The following MDGA2 variants were observed in gnomAD, a reference collection of about 807,000 sequenced individuals.
The protein encoded by MDGA2 is MAM domain containing glycosylphosphatidylinositol anchor 2, also known as MAM domain-containing glycosylphosphatidylinositol anchor protein 2.
Under a neutral mutation model 117.8 loss-of-function variants are expected in MDGA2, and 40 were observed. That is an observed-to-expected ratio of 0.34 (90% CI 0.26 to 0.44). The LOEUF (loss-of-function observed/expected upper bound fraction) is 0.44. Among genes scored for constraint, MDGA2 ranks in the 20% least tolerant of loss-of-function variants. The probability of loss-of-function intolerance (pLI) is 1.00; values close to 1 mark genes in which losing one functional copy is unlikely to be tolerated. For synonymous variants in MDGA2, 452 were observed against 439.0 expected (o/e 1.03, Z -0.37); for missense variants, 1,123 against 1,250.6 (o/e 0.90, Z 1.54).
chr14:47,583,330 T>C (rs1371791455), intron 1 of MDGA2, among the ~76,000 whole-genome samples: 1 of 151,820 alleles, frequency 6.6e-6, no homozygotes, highest in Non-Finnish European at 1.5e-5. Context: ...AAGAAGCAGC[T>C]AGCCAGTGAG....
intron 1 of MDGA2, among the ~76,000 whole-genome samples, chr14:47,462,356 A>G (rs1893506081): frequency 6.8e-6 from 1 of 147,938 alleles, no homozygotes; most frequent in Non-Finnish European, 1.5e-5. Flanking sequence ...AGCCTGGGCG[A>G]CAGAGAGAGA....
intron 4 of MDGA2, among the ~76,000 whole-genome samples, chr14:47,134,713 TAATGA>T (rs1212761865): frequency 2.0e-5 from 3 of 151,662 alleles, no homozygotes; most frequent in African/African-American, 7.3e-5. Context: ...TATGATGATA[TAATGA>T]AACAATATAT....
At chr14:47,441,621 A>C (rs1016590482) in intron 1 of MDGA2, among the ~76,000 whole-genome samples, 5 of 152,070 alleles carry the variant, frequency 3.3e-5, no homozygotes, top group Non-Finnish European at 7.4e-5. Flanking sequence ...AGCCATATAG[A>C]CTCCCTTTCC....
At chr14:47,674,447 T>G in intron 1 of MDGA2, 70 bp downstream of exon 1, 1 of 1,351,342 alleles carries the variant, frequency 7.4e-7, no homozygotes, top group Non-Finnish European at 1.0e-6. Context: ...GCGCGAGTCG[T>G]GCATTTTCGC....
chr14:46,961,075 G>T (rs1344432874), intron 8 of MDGA2, among the ~76,000 whole-genome samples: 1 of 151,880 alleles, frequency 6.6e-6, no homozygotes, highest in South Asian at 2.1e-4. Flanking sequence ...GGTGTAAAGA[G>T]GTCAACTCAA....
intron 1 of MDGA2, among the ~76,000 whole-genome samples, chr14:47,391,948 CAAAT>C (rs1891904745): frequency 6.6e-6 from 1 of 152,088 alleles, no homozygotes; most frequent in African/African-American, 2.4e-5. Flanking sequence ...ATCACTCAAA[CAAAT>C]AGAGGGCTAA....
chr14:47,265,623 G>A (rs1348108575), intron 2 of MDGA2, among the ~76,000 whole-genome samples: 3 of 145,620 alleles, frequency 2.1e-5, no homozygotes, highest in Middle Eastern at 3.5e-3. Context: ...GTTTAACTTC[G>A]TTTTGGGAAT....
intron 9 of MDGA2, among the ~76,000 whole-genome samples, chr14:46,934,945 G>A (rs946644383): frequency 2.6e-5 from 4 of 151,820 alleles, no homozygotes; most frequent in Admixed American, 6.6e-5. Context: ...TCAATTTTGC[G>A]ATTCTCTTTT....
At chr14:46,900,968 T>C (rs558748278) in intron 10 of MDGA2, among the ~76,000 whole-genome samples, 8 of 152,248 alleles carry the variant, frequency 5.3e-5, no homozygotes, top group Non-Finnish European at 1.0e-4. Context: ...TCCTGTACAT[T>C]TCTATGTAAC....
intron 1 of MDGA2, among the ~76,000 whole-genome samples, chr14:47,565,380 G>T (rs1033636961): frequency 5.9e-5 from 9 of 152,134 alleles, no homozygotes; most frequent in African/African-American, 2.2e-4. Flanking sequence ...GACTGGCTTT[G>T]TTTCTTGTAG....
intron 10 of MDGA2, among the ~76,000 whole-genome samples, chr14:46,913,438 C>T (rs1883781425): frequency 6.6e-6 from 1 of 152,010 alleles, no homozygotes; most frequent in African/African-American, 2.4e-5. Flanking sequence ...TCTAAATGGG[C>T]TAAGTCAAGC....
intron 6 of MDGA2, among the ~76,000 whole-genome samples, chr14:47,086,621 T>TG: frequency 6.6e-6 from 1 of 151,834 alleles, no homozygotes; most frequent in East Asian, 1.9e-4. Context: ...GATTTTTTTT[T>TG]ACTTTAAATA....
At chr14:47,482,903 GAA>G (rs71900416) in intron 1 of MDGA2, among the ~76,000 whole-genome samples, 29 of 137,546 alleles carry the variant, frequency 2.1e-4, no homozygotes, top group South Asian at 6.7e-4. Context: ...GTGGAGTAAT[GAA>G]AAAAAAAAAA....
At chr14:47,510,560 C>G (rs138691921) in intron 1 of MDGA2, among the ~76,000 whole-genome samples, 2,503 of 152,232 alleles carry the variant, frequency 0.016, 34 homozygotes, top group Middle Eastern at 0.041. Flanking sequence ...TAAAAAAAAT[C>G]TGAGGTAATC....
At chr14:47,136,394 A>G (rs934676454) in intron 4 of MDGA2, among the ~76,000 whole-genome samples, 2 of 151,670 alleles carry the variant, frequency 1.3e-5, no homozygotes, top group Non-Finnish European at 2.9e-5. Flanking sequence ...ACGGGATTTC[A>G]CCATATTGAC....
intron 6 of MDGA2, among the ~76,000 whole-genome samples, chr14:47,087,683 C>T (rs1890955072): frequency 6.6e-6 from 1 of 151,394 alleles, no homozygotes; most frequent in African/African-American, 2.4e-5. Context: ...CAAACTAAAT[C>T]TGGTAAGCCA....
intron 1 of MDGA2, among the ~76,000 whole-genome samples, chr14:47,537,421 G>A (rs547095568): frequency 2.2e-4 from 33 of 151,032 alleles, no homozygotes; most frequent in African/African-American, 4.1e-4. Context: ...AAACCTGCAC[G>A]TTGTGCACAT....
intron 1 of MDGA2, among the ~76,000 whole-genome samples, chr14:47,567,738 G>T (rs1218704314): frequency 3.3e-5 from 5 of 152,172 alleles, no homozygotes; most frequent in African/African-American, 1.2e-4. Flanking sequence ...CCTGATCTAA[G>T]AGTGTTCCAC....
chr14:47,095,935 A>G (rs150019302), intron 6 of MDGA2, among the ~76,000 whole-genome samples: 46 of 151,928 alleles, frequency 3.0e-4, no homozygotes, highest in Non-Finnish European at 5.3e-4. Flanking sequence ...TTTTAACTTC[A>G]GAGGCCTCAG....
Sources: allele counts gnomAD v4.1 joint callset (sites outside exome capture counted in the v4.1 genomes callset), GRCh38; gene constraint gnomAD v4.1.1; transcripts MANE v1.5; gene names NCBI Gene and HGNC (gene_info 2026-07-23, HGNC 2026-07-21).